The following ERCC6L2 variants were observed in gnomAD, a reference collection of about 807,000 sequenced individuals.
ERCC6L2 encodes the protein DNA excision repair protein ERCC-6-like 2.
ERCC6L2 carries 77 observed loss-of-function variants against 132.0 expected under a neutral mutation model. That is an observed-to-expected ratio of 0.58 (90% CI 0.49 to 0.71). ERCC6L2 has a LOEUF of 0.71. ERCC6L2 is among the 30% of genes least tolerant of loss of function. The pLI is 0.00. For missense variants in ERCC6L2, 1,542 were observed against 1,837.6 expected, an observed-to-expected ratio of 0.84 and a Z score of 2.94; for synonymous variants, 583 against 632.4, an observed-to-expected ratio of 0.92 and a Z score of 1.17.
intron 3 of ERCC6L2, among the ~76,000 whole-genome samples, chr9:95,903,538 G>A (rs1042776171): frequency 6.6e-6 from 1 of 151,958 alleles, no homozygotes; most frequent in African/African-American, 2.4e-5. Flanking sequence ...TTAATTGCAA[G>A]AGTTGATATT....
At chr9:96,021,242 G>T (rs1834283173), downstream of ERCC6L2, 1 of 348,200 alleles carries the variant, frequency 2.9e-6, no homozygotes, top group African/African-American at 2.2e-5. This position sits in a 1 kb window ranked among gnomAD's most constrained non-coding sequence, Gnocchi z 4.7. Flanking sequence ...GCTGGGAGCC[G>T]CCCCAAGCAA....
intron 12 of ERCC6L2, among the ~76,000 whole-genome samples, chr9:95,944,120 T>C (rs1830938285): frequency 6.6e-6 from 1 of 152,144 alleles, no homozygotes; most frequent in Non-Finnish European, 1.5e-5. Flanking sequence ...TGGAAGCAAC[T>C]CAAATGTCCA....
exon 20 of ERCC6L2, chr9:96,038,887 C>T (rs1394994331): frequency 6.6e-6 from 3 of 456,164 alleles, no homozygotes; most frequent in Admixed American, 4.7e-5. Context: ...TCACAAAGCT[C>T]CTTCTCAAAC....
At chr9:95,894,832 G>A (rs1467302741) in intron 2 of ERCC6L2, among the ~76,000 whole-genome samples, 1 of 151,996 alleles carries the variant, frequency 6.6e-6, no homozygotes, top group African/African-American at 2.4e-5. Flanking sequence ...CTAACCTCAG[G>A]TGATCCGCCC....
chr9:96,016,554 A>C lies in ERCC6L2; in HGVS notation c.*3351A>C, dbSNP rs1834188816. Among the ~76,000 whole-genome samples the C allele has an allele frequency of 6.6e-6, 1 of 152,248 alleles. No individual in the cohort carries two copies. Among genetic ancestry groups the C allele is most frequent in the Non-Finnish European group, 1.5e-5 (1 of 68,038 alleles). ...ACACCTCTTCAAGGAAATAAATAACATCTGCAAATGGTGCAGCTGCCCCTA... is the reference window on the plus strand; with the variant it reads ...ACACCTCTTCAAGGAAATAAATAACCTCTGCAAATGGTGCAGCTGCCCCTA... On this transcript the variant is annotated 3_prime_UTR_variant, in exon 19 of 19. Transcript: ENST00000653738.
At chr9:95,907,859 CCACACCCA>C (rs908002763) in intron 4 of ERCC6L2, among the ~76,000 whole-genome samples, 4 of 112,788 alleles carry the variant, frequency 3.5e-5, no homozygotes, top group South Asian at 2.9e-4. Flanking sequence ...ACACACACCC[CCACACCCA>C]CACACCCACT....
chr9:95,907,857 C>CACACACACACACACA lies in ERCC6L2; in HGVS notation c.788+586_788+587insACACACACACACACA. 4.0e-4 allele frequency among the ~76,000 whole-genome samples: 54 copies of CACACACACACACACA among 133,816 alleles called. 1 individual carries two copies. The highest frequency in any genetic ancestry group is 1.2e-3 in the South Asian group (5 of 4,020). 87.8% of individuals were successfully genotyped at this position (133,816 alleles called of 152,430 possible). ...CACACACACACACACACACACACAC[C>CACACACACACACACA]CCCACACCCACACACCCACTGTAGC... is the stretch of plus-strand genomic sequence containing the variant. On this transcript the variant is annotated intron_variant, in intron 4 of 18. Coordinates refer to ENST00000653738, the MANE Select transcript of ERCC6L2 (RefSeq NM_020207.7).
rs769512185 is a variant in ERCC6L2 at position 96,013,051 on chromosome 9, ACT to A, written c.4504_4505del (p.Leu1502ValfsTer2). 10 of 1,367,492 alleles carry A rather than the reference ACT, an allele frequency of 7.3e-6. No homozygotes were observed. The highest frequency in any genetic ancestry group is 8.8e-6 in the Non-Finnish European group (9 of 1,021,836). The allele number at this position is 1,367,492 out of a possible 1,614,324, so 84.7% of individuals were successfully genotyped here. On this transcript the variant is annotated frameshift_variant, in exon 19 of 19. Transcript: ENST00000653738. LOFTEE classifies it low-confidence loss of function (END_TRUNC). ...ACTCACAGACTTGGCAGTAATAGAG[ACT>A]CTGTGTGAAAAAGCACCTCTAGCAG... is the stretch of plus-strand genomic sequence containing the variant. Reference protein sequence around the residue: ...SKLTDLAVIETLCEKAPLAAP... With the variant: ...SKLTDLAVIEXLCEKAPLAAP...
At chr9:95,917,507 G>T (rs1342360017) in intron 6 of ERCC6L2, among the ~76,000 whole-genome samples, 1 of 152,212 alleles carries the variant, frequency 6.6e-6, no homozygotes, top group African/African-American at 2.4e-5. Flanking sequence ...TGATATGCAA[G>T]TTGGGGAAAT....
At chr9:95,982,076 T>C (rs771686347) in intron 17 of ERCC6L2, among the ~76,000 whole-genome samples, 4 of 152,154 alleles carry the variant, frequency 2.6e-5, no homozygotes, top group Admixed American at 6.6e-5. Context: ...TGACAGACAC[T>C]TGGCACTCTT....
At chr9:95,977,604 T>G (rs1832723646) in intron 16 of ERCC6L2, among the ~76,000 whole-genome samples, 1 of 152,068 alleles carries the variant, frequency 6.6e-6, no homozygotes, top group South Asian at 2.1e-4. Flanking sequence ...ATACAAACAG[T>G]AAAACTGAGC....
At chr9:95,917,557 T>C (rs1360875655) in intron 6 of ERCC6L2, among the ~76,000 whole-genome samples, 1 of 152,208 alleles carries the variant, frequency 6.6e-6, no homozygotes, top group Non-Finnish European at 1.5e-5. Flanking sequence ...AAGCAAATAT[T>C]GTTACTAAAT....
At chr9:95,883,856 C>T (rs1490912691) in intron 2 of ERCC6L2, among the ~76,000 whole-genome samples, 1 of 152,098 alleles carries the variant, frequency 6.6e-6, no homozygotes, top group Non-Finnish European at 1.5e-5. Flanking sequence ...GACTCTGTCT[C>T]ACATACAAAA....
chr9:95,916,212 A>G lies in ERCC6L2; in HGVS notation c.951-15A>G. On this transcript the variant is annotated splice_polypyrimidine_tract_variant and intron_variant, in intron 5 of 18. Coordinates refer to ENST00000653738, the MANE Select transcript of ERCC6L2 (RefSeq NM_020207.7). ...ATAATAAAGCCCTTACATTTTTCTT[A>G]TTGTCTTTATAAAGGGCTGTGCCAG... 5 of 1,610,772 alleles carry G rather than the reference A, an allele frequency of 3.1e-6. No individual in the cohort carries two copies. Among genetic ancestry groups the G allele is most frequent in the Non-Finnish European group, 3.4e-6 (4 of 1,177,648 alleles).
At chr9:95,988,628 T>C (rs990147626) in intron 17 of ERCC6L2, among the ~76,000 whole-genome samples, 2 of 152,200 alleles carry the variant, frequency 1.3e-5, no homozygotes, top group Non-Finnish European at 2.9e-5. Flanking sequence ...AAATTTAATT[T>C]TCTTTGTTGT....
downstream of ERCC6L2, chr9:96,021,437 A>C: frequency 4.2e-6 from 1 of 236,712 alleles, no homozygotes; most frequent in South Asian, 5.2e-5. This position sits in a 1 kb window ranked among gnomAD's most constrained non-coding sequence, Gnocchi z 4.7. Context: ...GCGGGGAGAG[A>C]AGGGAGGGCG....
At chr9:96,025,470 C>T (rs1054378546) in intron 19 of ERCC6L2, among the ~76,000 whole-genome samples, 3 of 152,198 alleles carry the variant, frequency 2.0e-5, no homozygotes, top group African/African-American at 7.2e-5. Context: ...GCCTCCGAGG[C>T]CCCCTTGCTC....
chr9:95,911,957 A>G (rs533863950), intron 4 of ERCC6L2, among the ~76,000 whole-genome samples: 9 of 152,272 alleles, frequency 5.9e-5, no homozygotes, highest in African/African-American at 1.9e-4. Flanking sequence ...TTTAGTTTTC[A>G]GCATCATCTA....
chr9:95,952,349 C>T (rs914210666), intron 12 of ERCC6L2, among the ~76,000 whole-genome samples: 13 of 151,976 alleles, frequency 8.6e-5, no homozygotes, highest in African/African-American at 3.1e-4. Flanking sequence ...TGCAAAAATA[C>T]TCAGTAAAAT....
Sources: allele counts gnomAD v4.1 joint callset (sites outside exome capture counted in the v4.1 genomes callset), GRCh38; gene constraint gnomAD v4.1.1; non-coding constraint Gnocchi (gnomAD v3.1); transcripts MANE v1.5; gene names NCBI Gene and HGNC (gene_info 2026-07-23, HGNC 2026-07-21).